CCSER1: variants seen among roughly 807,000 people sequenced by gnomAD.
CCSER1 encodes the protein coiled-coil serine rich protein 1, also known as serine-rich coiled-coil domain-containing protein 1.
Under a neutral mutation model 82.0 loss-of-function variants are expected in CCSER1, and 41 were observed. The ratio of observed to expected loss-of-function variants is 0.50; its 90% CI spans 0.39 to 0.65. The LOEUF (loss-of-function observed/expected upper bound fraction) is 0.65. Ranked by LOEUF, CCSER1 falls within the 30% of genes least tolerant of loss-of-function variation. CCSER1 has a pLI of 0.00. For missense variants in CCSER1, 1,119 were observed against 1,064.2 expected (o/e 1.05, Z -0.72); for synonymous variants, 414 against 383.9 (o/e 1.08, Z -0.92).
chr4:90,577,501 C>G (rs1316553139), intron 5 of CCSER1, among the ~76,000 whole-genome samples: 27 of 152,206 alleles, frequency 1.8e-4, no homozygotes, highest in Non-Finnish European at 1.6e-4. Context: ...AGTTGTTACT[C>G]CCTAATTTTG....
intron 9 of CCSER1, among the ~76,000 whole-genome samples, chr4:91,004,324 C>T (rs1057065814): frequency 2.6e-4 from 39 of 152,218 alleles, no homozygotes; most frequent in African/African-American, 8.9e-4. Flanking sequence ...CTTTCAGTGC[C>T]CAGGAAGTCA....
intron 5 of CCSER1, among the ~76,000 whole-genome samples, chr4:90,494,277 G>T (rs891479523): frequency 5.3e-5 from 8 of 152,148 alleles, no homozygotes; most frequent in African/African-American, 9.7e-5. Context: ...AGTACTTAGT[G>T]ACCGACAAAG....
At chr4:90,721,062 C>T (rs934004449) in intron 6 of CCSER1, among the ~76,000 whole-genome samples, 1 of 151,670 alleles carries the variant, frequency 6.6e-6, no homozygotes, top group Non-Finnish European at 1.5e-5. Flanking sequence ...TGATATTAAC[C>T]AGAATATTTA....
At chr4:90,447,258 T>G (rs1449386282) in intron 4 of CCSER1, among the ~76,000 whole-genome samples, 4 of 152,002 alleles carry the variant, frequency 2.6e-5, no homozygotes, top group Non-Finnish European at 5.9e-5. Flanking sequence ...AACTAAATAG[T>G]GACACCAGAG....
At chr4:91,177,577 T>C (rs1431932200) in intron 10 of CCSER1, among the ~76,000 whole-genome samples, 1 of 152,202 alleles carries the variant, frequency 6.6e-6, no homozygotes, top group Non-Finnish European at 1.5e-5. Context: ...AATTTTTCCA[T>C]TTCTTTTAGA....
chr4:90,507,327 G>A, intron 5 of CCSER1, among the ~76,000 whole-genome samples: 1 of 150,724 alleles, frequency 6.6e-6, no homozygotes. Context: ...AACAATAAGA[G>A]GCTTGTAAGA....
At chr4:90,447,023 T>C (rs1012261624) in intron 4 of CCSER1, among the ~76,000 whole-genome samples, 1 of 152,060 alleles carries the variant, frequency 6.6e-6, no homozygotes. Flanking sequence ...ACTTATATTA[T>C]CAGTAAAACT....
chr4:91,335,343 C>A (rs1747245017), intron 10 of CCSER1, among the ~76,000 whole-genome samples: 1 of 151,988 alleles, frequency 6.6e-6, no homozygotes, highest in South Asian at 2.1e-4. Flanking sequence ...GTCCCCACAT[C>A]CAGACCTACT....
At chr4:90,215,599 C>A (rs1740861956) in intron 1 of CCSER1, among the ~76,000 whole-genome samples, 2 of 152,258 alleles carry the variant, frequency 1.3e-5, no homozygotes, top group South Asian at 4.1e-4. Context: ...AGCAAGTTCA[C>A]ACTCCTCTGT....
intron 10 of CCSER1, among the ~76,000 whole-genome samples, chr4:91,210,399 C>T (rs1581777056): frequency 2.0e-5 from 3 of 150,960 alleles, no homozygotes; most frequent in South Asian, 4.2e-4. Context: ...TAAAGTATCT[C>T]CCAATAAAAT....
intron 5 of CCSER1, among the ~76,000 whole-genome samples, chr4:90,588,361 C>G (rs990987032): frequency 6.6e-6 from 1 of 152,170 alleles, no homozygotes; most frequent in Admixed American, 6.5e-5. Flanking sequence ...GTCATTTCAA[C>G]AATGTTCACT....
intron 5 of CCSER1, among the ~76,000 whole-genome samples, chr4:90,518,803 C>G (rs1361323473): frequency 6.6e-6 from 1 of 151,834 alleles, no homozygotes; most frequent in East Asian, 1.9e-4. Flanking sequence ...AAATATATAT[C>G]TTTATATAAG....
chr4:91,318,656 G>T (rs1461971667), intron 10 of CCSER1, among the ~76,000 whole-genome samples: 2 of 151,978 alleles, frequency 1.3e-5, no homozygotes, highest in Non-Finnish European at 2.9e-5. Context: ...TCTTAAAATT[G>T]TAAATGCTAC....
Position 91,584,214 on chromosome 4 carries a change from A to C in CCSER1, c.2218-14358A>C, listed in dbSNP as rs141384570. The stretch of plus-strand genomic sequence containing the variant: ...TAGTTGCATTTGAGGGTCTGGAGGC[A>C]TAATTCTCTATCACTCATCCCCATG... On this transcript the variant is annotated intron_variant, in intron 10 of 10. Transcript: ENST00000509176. 2.1e-4 allele frequency among the ~76,000 whole-genome samples: 32 copies of C among 151,580 alleles called. 1 individual carries two copies. The East Asian group carries it at 6.0e-3, about 28-fold the overall frequency.
chr4:91,123,908 G>A (rs896585280), intron 10 of CCSER1, among the ~76,000 whole-genome samples: 2 of 151,650 alleles, frequency 1.3e-5, no homozygotes, highest in African/African-American at 4.8e-5. Flanking sequence ...CCTAGTACTA[G>A]TCTGCTGGCA....
intron 10 of CCSER1, among the ~76,000 whole-genome samples, chr4:91,511,834 T>C (rs1334439253): frequency 1.3e-5 from 2 of 152,306 alleles, no homozygotes; most frequent in Admixed American, 6.5e-5. Flanking sequence ...TATTTTATTA[T>C]ATATTGCAAA....
intron 1 of CCSER1, among the ~76,000 whole-genome samples, chr4:90,291,594 C>G (rs552577878): frequency 5.9e-5 from 9 of 152,052 alleles, no homozygotes; most frequent in African/African-American, 2.2e-4. Flanking sequence ...CCCATAGTCT[C>G]AAAGAAGACA....
At chr4:90,201,631 G>A (rs1018521518) in intron 1 of CCSER1, among the ~76,000 whole-genome samples, 6 of 151,232 alleles carry the variant, frequency 4.0e-5, no homozygotes, top group Non-Finnish European at 7.4e-5. Flanking sequence ...TTACACTTAC[G>A]GAACATCTTA....
At chr4:90,646,753 A>G (rs1426500204) in intron 6 of CCSER1, among the ~76,000 whole-genome samples, 3 of 152,132 alleles carry the variant, frequency 2.0e-5, no homozygotes, top group Non-Finnish European at 4.4e-5. Flanking sequence ...CAATGCATAG[A>G]TTACTTTTAA....
Sources: gnomAD v4.1 joint callset for allele counts (sites outside exome capture counted in the v4.1 genomes callset) on GRCh38, gnomAD v4.1.1 for gene constraint, MANE v1.5 for transcripts, NCBI Gene and HGNC (gene_info 2026-07-23, HGNC 2026-07-21) for gene names.